Variants in MCPH1 observed in about 807,000 individuals in gnomAD.
MCPH1 encodes the protein microcephalin.
Under a neutral mutation model 84.5 loss-of-function variants are expected in MCPH1, and 104 were observed. The observed-to-expected ratio is 1.23, with a 90% CI of 1.05 to 1.45. MCPH1 has a LOEUF of 1.45. Among genes scored for constraint, MCPH1 ranks in the 40% most tolerant of loss-of-function variants. The probability of loss-of-function intolerance (pLI) is 0.00; values close to 1 mark genes in which losing one functional copy is unlikely to be tolerated. For missense variants in MCPH1, 1,498 were observed against 1,005.7 expected, an observed-to-expected ratio of 1.49 and a Z score of -6.62; for synonymous variants, 514 against 366.8, an observed-to-expected ratio of 1.40 and a Z score of -4.58.
intron 11 of MCPH1, among the ~76,000 whole-genome samples, chr8:6,497,489 A>G (rs1266309354): frequency 6.6e-6 from 1 of 152,042 alleles, no homozygotes; most frequent in Admixed American, 6.6e-5. Context: ...GCGACAGAGG[A>G]AGACTGTCTA....
At chr8:6,446,372 A>G in intron 8 of MCPH1, 2 of 984,772 alleles carry the variant, frequency 2.0e-6, no homozygotes, top group Non-Finnish European at 2.4e-6. Flanking sequence ...TGCTCTACAA[A>G]TGTTTTAACT....
At chr8:6,462,163 G>T (rs1383851874) in intron 9 of MCPH1, among the ~76,000 whole-genome samples, 2 of 152,156 alleles carry the variant, frequency 1.3e-5, no homozygotes, top group Non-Finnish European at 2.9e-5. Flanking sequence ...TTTGATAGTG[G>T]TTTAAAAAAA....
intron 12 of MCPH1, among the ~76,000 whole-genome samples, chr8:6,553,489 A>AT (rs1824037753): frequency 6.6e-6 from 1 of 152,020 alleles, no homozygotes; most frequent in Admixed American, 6.6e-5. Context: ...ACACGTCAAC[A>AT]TTTTTTTAAA....
intron 3 of MCPH1, among the ~76,000 whole-genome samples, chr8:6,430,445 C>A (rs186993771): frequency 6.6e-6 from 1 of 152,130 alleles, no homozygotes; most frequent in Admixed American, 6.5e-5. Context: ...CTTTACACAC[C>A]CTCAGAAGGG....
Position 6,645,958 on chromosome 8 carries a change from G to C in MCPH1, c.*2909G>C, listed in dbSNP as rs914740508. 6 of 152,164 alleles carry C rather than the reference G, an allele frequency of 3.9e-5. No homozygotes were observed. The highest frequency in any genetic ancestry group is 1.4e-4 in the African/African-American group (6 of 41,422). The allele number at this position is 152,164 out of a possible 1,614,324, so 9.4% of individuals were successfully genotyped here. ...ATGATAGTCCTCAAATTGACGTATA[G>C]ATTCAATGCAATCCATTAAAATCTC... On this transcript the variant is annotated 3_prime_UTR_variant, in exon 14 of 14. Coordinates refer to ENST00000344683, the MANE Select transcript of MCPH1 (RefSeq NM_024596.5).
intron 3 of MCPH1, among the ~76,000 whole-genome samples, chr8:6,424,469 A>G (rs1182413272): frequency 2.0e-5 from 3 of 152,130 alleles, no homozygotes; most frequent in Admixed American, 1.3e-4. Context: ...TCCTCCCGGA[A>G]TCCTCAGACT....
chr8:6,594,436 C>T (rs575497680), intron 12 of MCPH1, among the ~76,000 whole-genome samples: 2 of 152,280 alleles, frequency 1.3e-5, no homozygotes, highest in Non-Finnish European at 2.9e-5. Flanking sequence ...GCTAATCTTT[C>T]CAAAACACTC....
intron 11 of MCPH1, among the ~76,000 whole-genome samples, chr8:6,482,550 A>T (rs1809375543): frequency 6.6e-6 from 1 of 152,232 alleles, no homozygotes; most frequent in Non-Finnish European, 1.5e-5. Flanking sequence ...TTTGGAGGAA[A>T]AAATGTTATT....
intron 9 of MCPH1, among the ~76,000 whole-genome samples, chr8:6,474,713 G>C (rs1304761750): frequency 6.6e-6 from 1 of 152,166 alleles, no homozygotes; most frequent in Non-Finnish European, 1.5e-5. Context: ...GCAATGTATA[G>C]TGTGGCTGGG....
At chr8:6,454,110 G>C (rs986117603) in intron 8 of MCPH1, among the ~76,000 whole-genome samples, 1 of 152,196 alleles carries the variant, frequency 6.6e-6, no homozygotes, top group African/African-American at 2.4e-5. Context: ...TATCTGCAAA[G>C]AAGTCTTTCT....
At position 6,521,222 on chromosome 8, in the gene MCPH1, A is replaced by G. The variant is rs763704649; in HGVS notation, c.2214+21293A>G. ...AGTCAGTAAGTTATTAACTGTCTCC[A>G]TGAGATCATGTTGCTGCTTCTGAAG... On this transcript the variant is annotated intron_variant, in intron 12 of 13. Transcript: ENST00000344683. 15 of 1,613,802 alleles carry G rather than the reference A, an allele frequency of 9.3e-6. 1 individual carries two copies. The South Asian group carries it at 1.5e-4, about 17-fold the overall frequency.
At chr8:6,598,607 A>C (rs1415859617) in intron 12 of MCPH1, among the ~76,000 whole-genome samples, 2 of 152,228 alleles carry the variant, frequency 1.3e-5, no homozygotes, top group Non-Finnish European at 2.9e-5. Flanking sequence ...GCTTTCCAAA[A>C]GGTAAACACC....
chr8:6,458,916 G>A (rs536536320), intron 9 of MCPH1, among the ~76,000 whole-genome samples: 1 of 152,272 alleles, frequency 6.6e-6, no homozygotes, highest in South Asian at 2.1e-4. Flanking sequence ...CAAAGTGCTG[G>A]AATTACAGGC....
intron 11 of MCPH1, among the ~76,000 whole-genome samples, chr8:6,491,570 A>G (rs1002429852): frequency 6.6e-5 from 10 of 151,294 alleles, no homozygotes; most frequent in Admixed American, 2.6e-4. Context: ...GGTGTGCTGC[A>G]CTCATTAACT....
intron 12 of MCPH1, among the ~76,000 whole-genome samples, chr8:6,612,378 T>C (rs1387430249): frequency 6.6e-6 from 1 of 152,172 alleles, no homozygotes; most frequent in Non-Finnish European, 1.5e-5. Flanking sequence ...CTGCCCCAGC[T>C]GGAGAGTTGT....
rs917118280 is a variant in MCPH1 at position 6,643,479 on chromosome 8, G to C, written c.*430G>C. On this transcript the variant is annotated 3_prime_UTR_variant, in exon 14 of 14. Coordinates refer to ENST00000344683, the MANE Select transcript of MCPH1 (RefSeq NM_024596.5). ...AGGGTTTCGCCATGTTGGCCAGGCTGGTCTCAAACGCCTGAGCTCAGGTGA... is the reference window on the plus strand; with the variant it reads ...AGGGTTTCGCCATGTTGGCCAGGCTCGTCTCAAACGCCTGAGCTCAGGTGA... 2 of 227,606 alleles carry C rather than the reference G, an allele frequency of 8.8e-6. No individual in the cohort carries two copies. The highest frequency in any genetic ancestry group is 4.6e-5 in the African/African-American group (2 of 43,120). The allele number at this position is 227,606 out of a possible 1,614,324, so 14.1% of individuals were successfully genotyped here.
intron 5 of MCPH1, among the ~76,000 whole-genome samples, chr8:6,438,618 CA>C (rs1803020953): frequency 1.3e-5 from 2 of 152,184 alleles, no homozygotes; most frequent in African/African-American, 2.4e-5. Context: ...AATTGCATTC[CA>C]GCTTTACAAC....
At chr8:6,594,493 C>G (rs1828769733) in intron 12 of MCPH1, among the ~76,000 whole-genome samples, 1 of 152,224 alleles carries the variant, frequency 6.6e-6, no homozygotes, top group African/African-American at 2.4e-5. Flanking sequence ...CAAGAAATAG[C>G]AGTCCTTGAT....
chr8:6,587,261 C>G (rs903290181), intron 12 of MCPH1, among the ~76,000 whole-genome samples: 6 of 152,178 alleles, frequency 3.9e-5, no homozygotes, highest in Non-Finnish European at 7.4e-5. Flanking sequence ...TCTGAATCGA[C>G]TTCTCACTTG....
Sources: gnomAD v4.1 joint callset for allele counts (sites outside exome capture counted in the v4.1 genomes callset) on GRCh38, gnomAD v4.1.1 for gene constraint, MANE v1.5 for transcripts, NCBI Gene and HGNC (gene_info 2026-07-23, HGNC 2026-07-21) for gene names.